The following RBFOX3 variants were observed in gnomAD, a reference collection of about 807,000 sequenced individuals.
RBFOX3 encodes RNA binding protein fox-1 homolog 3.
In RBFOX3, 17 loss-of-function variants were observed where a neutral mutation model predicts 48.7. The ratio of observed to expected loss-of-function variants is 0.35; its 90% CI spans 0.24 to 0.52. RBFOX3 has a LOEUF of 0.52. Among genes scored for constraint, RBFOX3 ranks in the 20% least tolerant of loss-of-function variants. RBFOX3 has a pLI of 0.94. For synonymous variants in RBFOX3, 212 were observed against 209.5 expected (o/e 1.01, Z -0.10); for missense variants, 382 against 497.5 (o/e 0.77, Z 2.21).
At chr17:79,110,516 C>T (rs59844550) in intron 5 of RBFOX3, among the ~76,000 whole-genome samples, 2,933 of 152,350 alleles carry the variant, frequency 0.019, 92 homozygotes, top group African/African-American at 0.066. Context: ...TGTGGCACCA[C>T]ATGAACCGGT....
chr17:79,665,064 A>T, the RBFOX3 span, among the ~76,000 whole-genome samples: 465 of 152,200 alleles, frequency 3.1e-3, 3 homozygotes, highest in African/African-American at 0.011. Flanking sequence ...ACACTCCTTG[A>T]TCCGGCATTC....
intron 4 of RBFOX3, among the ~76,000 whole-genome samples, chr17:79,175,397 T>C (rs973646775): frequency 2.4e-4 from 36 of 152,238 alleles, no homozygotes; most frequent in African/African-American, 7.7e-4. Context: ...GTCCCTGTCA[T>C]AACGGCTTCA....
chr17:79,540,544 G>C (rs1158624767), intron 1 of RBFOX3, among the ~76,000 whole-genome samples: 2 of 152,214 alleles, frequency 1.3e-5, no homozygotes, highest in South Asian at 4.1e-4. Context: ...CCCACTGCCA[G>C]GTGCTCCTGC....
chr17:79,321,952 C>T (rs1445384063), intron 2 of RBFOX3, among the ~76,000 whole-genome samples: 3 of 152,136 alleles, frequency 2.0e-5, no homozygotes, highest in African/African-American at 4.8e-5. Flanking sequence ...GTGATCCACC[C>T]GCCTTGGCCT....
the RBFOX3 span, among the ~76,000 whole-genome samples, chr17:79,646,887 C>T: frequency 6.6e-5 from 10 of 152,214 alleles, no homozygotes; most frequent in African/African-American, 2.4e-4. Context: ...CAGATACCCA[C>T]ACAGTTCACT....
chr17:79,159,931 C>T lies in RBFOX3; in HGVS notation c.-33-44183G>A, dbSNP rs1386846683. Reference sequence around the variant, plus strand: ...CATGCGTGTCCGCCGAGTGTTCCAGCGTCCCGGGACAGTTCTCCCCAGCAC... The same window carrying T: ...CATGCGTGTCCGCCGAGTGTTCCAGTGTCCCGGGACAGTTCTCCCCAGCAC... On this transcript the variant is annotated intron_variant, in intron 4 of 14. Transcript: ENST00000693108. Among the ~76,000 whole-genome samples, 14 of 152,322 alleles carry T rather than the reference C, an allele frequency of 9.2e-5. No individual in the cohort carries two copies. The East Asian group carries it at 2.7e-3, about 29-fold the overall frequency.
intron 1 of RBFOX3, among the ~76,000 whole-genome samples, chr17:79,606,890 G>T (rs386829733): frequency 0.045 from 6,866 of 151,888 alleles, 234 homozygotes; most frequent in African/African-American, 0.097. Flanking sequence ...GAGGAAAAAA[G>T]AGTTGGGGAG....
chr17:79,140,583 G>A (rs985276364), intron 4 of RBFOX3, among the ~76,000 whole-genome samples: 2 of 152,272 alleles, frequency 1.3e-5, no homozygotes, highest in African/African-American at 2.4e-5. Context: ...GGCTCAAAGA[G>A]AGAGAAGGAC....
chr17:79,515,184 C>T (rs1354543906), intron 1 of RBFOX3, among the ~76,000 whole-genome samples: 9 of 152,214 alleles, frequency 5.9e-5, no homozygotes, highest in Non-Finnish European at 1.2e-4. Flanking sequence ...AACACTCAAG[C>T]CAAGTGCTGA....
chr17:79,452,305 T>C (rs928603668), intron 2 of RBFOX3, among the ~76,000 whole-genome samples: 1 of 152,116 alleles, frequency 6.6e-6, no homozygotes, highest in Non-Finnish European at 1.5e-5. Context: ...AGGCCCACCC[T>C]GTCACCACCT....
In RBFOX3 at chr17:79,242,706, T is replaced by C. The variant is rs865860464; in HGVS notation, c.-73-6901A>G. Among the ~76,000 whole-genome samples the C allele has an allele frequency of 4.7e-4, 71 of 152,006 alleles. No homozygotes were observed. Among genetic ancestry groups the C allele is most frequent in the African/African-American group, 1.6e-3 (68 of 41,468 alleles). On this transcript the variant is annotated intron_variant, in intron 3 of 14. Coordinates refer to ENST00000693108, the MANE Select transcript of RBFOX3 (RefSeq NM_001350451.2). This position sits in a 1 kb window ranked among gnomAD's most constrained non-coding sequence, Gnocchi z 5.8. Reference sequence around the variant, plus strand: ...CATCACAGTAGTCCCTGGAGTGGCTTTGGGTTCTGAGCACACTGCCCATAC... The same window carrying C: ...CATCACAGTAGTCCCTGGAGTGGCTCTGGGTTCTGAGCACACTGCCCATAC...
rs1159046669 is a variant in RBFOX3 at position 79,421,168 on chromosome 17, GTGCCCTAACCTACAGGCCTCCA to G, written c.-175+61264_-175+61285del. On this transcript the variant is annotated intron_variant, in intron 2 of 14. Coordinates refer to ENST00000693108, the MANE Select transcript of RBFOX3 (RefSeq NM_001350451.2). This position sits in a 1 kb window ranked among gnomAD's most constrained non-coding sequence, Gnocchi z 4.5. ...TTCACAGCAGAGGGCAGGATGCTCC[GTGCCCTAACCTACAGGCCTCCA>G]TGCCCTAACCTCCGCGGCCGCTTCT... 5.9e-5 allele frequency among the ~76,000 whole-genome samples: 9 copies of G among 152,268 alleles called. No individual in the cohort carries two copies. The highest frequency in any genetic ancestry group is 1.0e-4 in the Non-Finnish European group (7 of 68,010).
chr17:79,572,852 A>C (rs2092726721), intron 1 of RBFOX3, among the ~76,000 whole-genome samples: 2 of 152,128 alleles, frequency 1.3e-5, no homozygotes, highest in African/African-American at 2.4e-5. Context: ...TGCTGCCCTG[A>C]GGTGCCTTCC....
chr17:79,628,665 T>C, the RBFOX3 span, among the ~76,000 whole-genome samples: 1 of 152,156 alleles, frequency 6.6e-6, no homozygotes, highest in Admixed American at 6.5e-5. Context: ...CCTTCCATCA[T>C]CCCAGAAGGA....
chr17:79,599,450 C>T (rs1047664304), intron 1 of RBFOX3: 2 of 152,412 alleles, frequency 1.3e-5, no homozygotes, highest in South Asian at 4.1e-4. Context: ...TACATGTGCT[C>T]ACACAGGCAC....
chr17:79,093,791 C>CACACACACA (rs1555681687), intron 14 of RBFOX3, among the ~76,000 whole-genome samples: 1 of 143,822 alleles, frequency 7.0e-6, no homozygotes, highest in Non-Finnish European at 1.5e-5. Context: ...CAACAGCTGG[C>CACACACACA]CACACACACA....
At chr17:79,507,607 T>C (rs1200888886) in intron 1 of RBFOX3, among the ~76,000 whole-genome samples, 3 of 152,202 alleles carry the variant, frequency 2.0e-5, no homozygotes, top group African/African-American at 7.2e-5. Flanking sequence ...CCCTCCCCTC[T>C]CCTCAGACAA....
chr17:79,362,392 A>C lies in RBFOX3; in HGVS notation c.-174-54568T>G, dbSNP rs2086538795. Among the ~76,000 whole-genome samples, 1 of 152,136 alleles carries C rather than the reference A, an allele frequency of 6.6e-6. No individual in the cohort carries two copies. The highest frequency in any genetic ancestry group is 1.5e-5 in the Non-Finnish European group (1 of 68,028). The stretch of plus-strand genomic sequence containing the variant: ...GCTGAGTGCAGCGTCTTTCAGAGCC[A>C]AACAGAGCCCCAGCTCTGAGGCATG... On this transcript the variant is annotated intron_variant, in intron 2 of 14. Transcript: ENST00000693108. This position sits in a 1 kb window ranked among gnomAD's most constrained non-coding sequence, Gnocchi z 4.2.
chr17:79,406,053 T>C (rs1281468053), intron 2 of RBFOX3, among the ~76,000 whole-genome samples: 1 of 152,240 alleles, frequency 6.6e-6, no homozygotes, highest in African/African-American at 2.4e-5. Context: ...TGTGTAATAT[T>C]CCTAATGCCC....
Sources: gnomAD v4.1 joint callset for allele counts (sites outside exome capture counted in the v4.1 genomes callset) on GRCh38, gnomAD v4.1.1 for gene constraint, Gnocchi (gnomAD v3.1) non-coding constraint, MANE v1.5 for transcripts, NCBI Gene and HGNC (gene_info 2026-07-23, HGNC 2026-07-21) for gene names.